ANKRD12: variants seen among roughly 807,000 people sequenced by gnomAD.
ANKRD12 encodes the protein ankyrin repeat domain-containing protein 12.
A neutral mutation model predicts 183.4 loss-of-function variants in ANKRD12; 85 were observed. That is an observed-to-expected ratio of 0.46 (90% CI 0.39 to 0.56). The LOEUF is 0.56. Ranked by LOEUF, ANKRD12 falls within the 20% of genes least tolerant of loss-of-function variation. The probability of loss-of-function intolerance (pLI) is 0.00; values close to 1 mark genes in which losing one functional copy is unlikely to be tolerated. For missense variants in ANKRD12, 2,405 were observed against 2,357.1 expected (o/e 1.02, Z -0.42); for synonymous variants, 914 against 800.2 (o/e 1.14, Z -2.40).
rs567124686 is a variant in ANKRD12 at position 9,263,768 on chromosome 18, CTATA to C, written c.5665-16_5665-13del. ...TGTAAATAAAACCTAATATTTTAAA[CTATA>C]TATATCTTTTTAATTAGATTACACC... On this transcript the variant is annotated intron_variant, in intron 9 of 12. Transcript: ENST00000262126. The C allele has an allele frequency of 2.6e-5, 38 of 1,466,588 alleles. No individual in the cohort carries two copies. The highest frequency in any genetic ancestry group is 7.3e-5 in the East Asian group (3 of 40,878). 90.8% of individuals were successfully genotyped at this position (1,466,588 alleles called of 1,614,324 possible).
At chr18:9,266,679 C>T (rs1230375862) in intron 10 of ANKRD12, among the ~76,000 whole-genome samples, 1 of 152,100 alleles carries the variant, frequency 6.6e-6, no homozygotes, top group Non-Finnish European at 1.5e-5. Flanking sequence ...ATTGTAAAGA[C>T]CATCAATGCT....
intron 2 of ANKRD12, among the ~76,000 whole-genome samples, chr18:9,195,001 C>T (rs550260380): frequency 6.6e-6 from 1 of 152,152 alleles, no homozygotes; most frequent in East Asian, 1.9e-4. Flanking sequence ...ACTATGCAGC[C>T]ATTAAAAAGA....
In ANKRD12 at chr18:9,208,952, ATTAT is replaced by A. The variant is rs543511813; in HGVS notation, c.451+152_451+155del. 432 of 822,758 alleles carry A rather than the reference ATTAT, an allele frequency of 5.3e-4. 2 individuals carry two copies. In the African/African-American group the frequency reaches 7.0e-3, roughly 13 times the overall value. The allele number at this position is 822,758 out of a possible 1,614,324, so 51.0% of individuals were successfully genotyped here. On this transcript the variant is annotated intron_variant, in intron 5 of 12. Transcript: ENST00000262126. Reference sequence around the variant, plus strand: ...CTTGTAAGTCAGTGGTAATTTTATGATTATTTGTGTGACAGTTTATCATCTGTAT... The same window carrying A: ...CTTGTAAGTCAGTGGTAATTTTATGATTGTGTGACAGTTTATCATCTGTAT...
At chr18:9,239,385 T>C in intron 8 of ANKRD12, 1 of 297,604 alleles carries the variant, frequency 3.4e-6, no homozygotes, top group Non-Finnish European at 5.4e-6. Flanking sequence ...CTTACATGTT[T>C]AATTAGTGCA....
Position 9,204,480 on chromosome 18 carries a change from A to G in ANKRD12, c.240A>G (p.Ser80=). Residue 80 remains serine (S), a synonymous_variant, in exon 4 of 13, where the codon TCA becomes TCG. Coordinates refer to ENST00000262126, the MANE Select transcript of ANKRD12 (RefSeq NM_015208.5). ...CTGTCTCTTCTCATTCTGTAGATTC[A>G]GATCCAGGACATACAAGTGAAAATT... ...RNEERDSDTD[S]DPGHTSENWG... The G allele has an allele frequency of 1.3e-6, 2 of 1,599,248 alleles. No homozygotes were observed. Among genetic ancestry groups the G allele is most frequent in the Non-Finnish European group, 1.7e-6 (2 of 1,169,220 alleles).
At chr18:9,280,006 G>T (rs754646876) in intron 12 of ANKRD12, among the ~76,000 whole-genome samples, 1 of 152,112 alleles carries the variant, frequency 6.6e-6, no homozygotes, top group East Asian at 1.9e-4. Flanking sequence ...CATTTCAGAA[G>T]TCTTTCCCCC....
rs540490989 is a variant in ANKRD12 at position 9,249,458 on chromosome 18, C to T, written c.944-4753C>T. ...GGGGATATTGTGGTAAAAATACACA[C>T]CTTTGAAATGATTCTAAACCAGTGA... On this transcript the variant is annotated intron_variant, in intron 8 of 12. Coordinates refer to ENST00000262126, the MANE Select transcript of ANKRD12 (RefSeq NM_015208.5). Among the ~76,000 whole-genome samples the T allele has an allele frequency of 2.6e-5, 4 of 152,252 alleles. No individual in the cohort carries two copies. The South Asian group carries it at 8.3e-4, about 32-fold the overall frequency.
intron 8 of ANKRD12, among the ~76,000 whole-genome samples, chr18:9,226,215 G>A (rs1333305683): frequency 6.6e-6 from 1 of 152,114 alleles, no homozygotes; most frequent in East Asian, 1.9e-4. Flanking sequence ...CCTGAGGTCA[G>A]GAGTTCAAGA....
At chr18:9,267,002 G>A (rs1294386852) in intron 10 of ANKRD12, among the ~76,000 whole-genome samples, 1 of 152,024 alleles carries the variant, frequency 6.6e-6, no homozygotes, top group East Asian at 1.9e-4. Flanking sequence ...AACCAACAAA[G>A]ATCAAAAGAG....
Position 9,182,527 on chromosome 18 carries a change from AT to A in ANKRD12, c.87+10del. ...AAACCATATGGAAGAAAGGTATATG[AT>A]TATACTAAAGATTTGTTGACTTTTT... On this transcript the variant is annotated intron_variant, in intron 2 of 12. Transcript: ENST00000262126. 1 of 1,532,444 alleles carries A rather than the reference AT, an allele frequency of 6.5e-7. No individual in the cohort carries two copies. The highest frequency in any genetic ancestry group is 8.8e-7 in the Non-Finnish European group (1 of 1,131,998). 94.9% of individuals were successfully genotyped at this position (1,532,444 alleles called of 1,614,324 possible). A position where few individuals can be genotyped will look rare whatever the true frequency, so the allele number is the denominator to read the frequency against.
At chr18:9,252,571 C>G (rs2038361986) in intron 8 of ANKRD12, among the ~76,000 whole-genome samples, 1 of 152,222 alleles carries the variant, frequency 6.6e-6, no homozygotes. Flanking sequence ...GAAAAAAAGG[C>G]ATATCTGAAT....
intron 10 of ANKRD12, among the ~76,000 whole-genome samples, chr18:9,270,711 A>T (rs545451307): frequency 2.9e-4 from 44 of 152,334 alleles, no homozygotes; most frequent in African/African-American, 1.1e-3. Context: ...GCACATGTAT[A>T]CATATGTAAC....
At chr18:9,157,581 G>GTATATATATATATATATATA (rs1221750938) in intron 1 of ANKRD12, among the ~76,000 whole-genome samples, 1 of 109,346 alleles carries the variant, frequency 9.1e-6, no homozygotes, top group African/African-American at 4.4e-5. Context: ...GTGTGTGTGT[G>GTATATATATATATATATATA]TGTGTATATA....
chr18:9,158,453 T>C lies in ANKRD12; in HGVS notation c.-52+21488T>C, dbSNP rs117370935. On this transcript the variant is annotated intron_variant, in intron 1 of 12. Coordinates refer to ENST00000262126, the MANE Select transcript of ANKRD12 (RefSeq NM_015208.5). The stretch of plus-strand genomic sequence containing the variant: ...TTGTTTTTGATGAACTTGACAGTGT[T>C]AAGGAGTACAGTGAGGTAAGTGTAG... 7.9e-3 allele frequency among the ~76,000 whole-genome samples: 1,208 copies of C among 152,250 alleles called. 3 individuals carry two copies. Among genetic ancestry groups the C allele is most frequent in the Non-Finnish European group, 0.011 (743 of 68,018 alleles).
At position 9,283,759 on chromosome 18, in the gene ANKRD12, GAA is replaced by G. The variant is rs1306919608; in HGVS notation, c.*2639_*2640del. ...TTTAATAAAGAGTTATATTTTTATA[GAA>G]AAAAAGAGTGAAATGTGTGCTAACT... On this transcript the variant is annotated 3_prime_UTR_variant, in exon 13 of 13. Transcript: ENST00000262126. The G allele has an allele frequency of 3.3e-5, 5 of 152,446 alleles. No homozygotes were observed. Among genetic ancestry groups the G allele is most frequent in the African/African-American group, 4.8e-5 (2 of 41,404 alleles). 9.4% of individuals were successfully genotyped at this position (152,446 alleles called of 1,614,324 possible).
intron 8 of ANKRD12, among the ~76,000 whole-genome samples, chr18:9,245,387 G>A (rs1239351930): frequency 6.6e-6 from 1 of 152,014 alleles, no homozygotes; most frequent in Non-Finnish European, 1.5e-5. Context: ...GGAGGTTGAG[G>A]CTACAGTGAG....
chr18:9,285,176 T>A lies in ANKRD12; in HGVS notation c.*4050T>A, dbSNP rs989050379. The A allele has an allele frequency of 1.4e-5, 2 of 144,436 alleles. No individual in the cohort carries two copies. Among genetic ancestry groups the A allele is most frequent in the Non-Finnish European group, 3.0e-5 (2 of 66,776 alleles). The allele number at this position is 144,436 out of a possible 1,614,324, so 8.9% of individuals were successfully genotyped here. A position where few individuals can be genotyped will look rare whatever the true frequency, so the allele number is the denominator to read the frequency against. ...GTGAGCCGAGATCGTGCCACTGCAC[T>A]CCAGCCTGGGCGACAGAGCGAGACT... is the stretch of plus-strand genomic sequence containing the variant. On this transcript the variant is annotated 3_prime_UTR_variant, in exon 13 of 13. Coordinates refer to ENST00000262126, the MANE Select transcript of ANKRD12 (RefSeq NM_015208.5).
rs1363707164 is a variant in ANKRD12 at position 9,255,998 on chromosome 18, C to A, written c.2731C>A (p.His911Asn). The change falls in exon 9 of 13, where the codon CAT becomes AAT. Residue 911 changes from histidine (H) to asparagine (N), a missense_variant. This residue lies in a region of ANKRD12 where 1,983 missense variants were observed against 1,725.9 expected (regional missense o/e 1.15). Coordinates refer to ENST00000262126, the MANE Select transcript of ANKRD12 (RefSeq NM_015208.5). ...AAGTAGAGAAAAGATGGATAGGAAA[C>A]ATGACAAAGAAAAGCCTGAAAAAGA... ...EKSREKMDRK[H>N]DKEKPEKERH... The A allele has an allele frequency of 5.1e-6, 8 of 1,557,912 alleles. No individual in the cohort carries two copies. In the Admixed American group the frequency reaches 8.8e-5, roughly 17 times the overall value.
intron 11 of ANKRD12, among the ~76,000 whole-genome samples, 163 bp from the exon 12 acceptor site, chr18:9,279,386 G>T (rs1459218383): frequency 2.0e-5 from 3 of 152,006 alleles, no homozygotes; most frequent in African/African-American, 7.2e-5. Context: ...ACACAATGTG[G>T]AAATAAAAGT....
Sources: gnomAD v4.1 joint callset for allele counts (sites outside exome capture counted in the v4.1 genomes callset) on GRCh38, gnomAD v4.1.1 for gene constraint, gnomAD v4.1.1 regional missense constraint, MANE v1.5 for transcripts, NCBI Gene and HGNC (gene_info 2026-07-23, HGNC 2026-07-21) for gene names.